PSMD1: variants seen among roughly 807,000 people sequenced by gnomAD.
The protein encoded by PSMD1 is 26S proteasome non-ATPase regulatory subunit 1.
PSMD1 carries 18 observed loss-of-function variants against 119.0 expected under a neutral mutation model. That is an observed-to-expected ratio of 0.15 (90% confidence interval 0.10 to 0.22). PSMD1 has a LOEUF of 0.22. PSMD1 is among the 10% of genes least tolerant of loss of function. The pLI, the probability that PSMD1 is intolerant of heterozygous loss-of-function variation, is 1.00. For missense variants in PSMD1, 702 were observed against 1,158.5 expected (o/e 0.61, Z 5.72); for synonymous variants, 374 against 396.6 (o/e 0.94, Z 0.68).
At chr2:231,059,292 G>T (rs1053146832) in intron 1 of PSMD1, among the ~76,000 whole-genome samples, 1 of 152,110 alleles carries the variant, frequency 6.6e-6, no homozygotes, top group African/African-American at 2.4e-5. Flanking sequence ...TTGTCACTTT[G>T]TTTTCTGTCC....
chr2:231,153,406 C>T (rs963189160), intron 18 of PSMD1, 158 bp from the exon 19 acceptor site: 29 of 588,230 alleles, frequency 4.9e-5, no homozygotes, highest in South Asian at 3.2e-4. Context: ...ATTGCAACCA[C>T]GGAACTGCTC....
At position 231,080,187 on chromosome 2, in the gene PSMD1, A is replaced by G; in HGVS notation, c.1286A>G (p.Lys429Arg). The change falls in exon 12 of 25, where the codon AAG becomes AGG. Residue 429 changes from lysine (K) to arginine (R), a missense_variant. Lys to Arg is a conservative substitution (Grantham distance 26). Around this residue, in one of 9 missense-constraint regions of PSMD1, gnomAD observed 272 missense variants for 511.6 expected, o/e 0.53. Coordinates refer to ENST00000308696, the MANE Select transcript of PSMD1 (RefSeq NM_002807.4). ...CAGTTAATGGCAACATACCTTCCCA[A>G]GGATACTTCTCCAGGATCAGCCTAT... Reference protein sequence around the residue: ...ALQLMATYLPKDTSPGSAYQE... With the variant: ...ALQLMATYLPRDTSPGSAYQE... 2 of 1,613,894 alleles carry G rather than the reference A, an allele frequency of 1.2e-6. No homozygotes were observed. The highest frequency in any genetic ancestry group is 1.7e-6 in the Non-Finnish European group (2 of 1,179,858).
At chr2:231,081,591 A>G (rs934279764) in intron 12 of PSMD1, among the ~76,000 whole-genome samples, 2 of 152,180 alleles carry the variant, frequency 1.3e-5, no homozygotes, top group Non-Finnish European at 1.5e-5. Flanking sequence ...GGAGCATTGT[A>G]TTGCTCTGGC....
rs546541859 is a variant in PSMD1, at chr2:231,058,716, T to C, written c.16+1675T>C. Among the ~76,000 whole-genome samples, 4 of 152,172 alleles carry C rather than the reference T, an allele frequency of 2.6e-5. No homozygotes were observed. The East Asian group carries it at 7.7e-4, about 29-fold the overall frequency. On this transcript the variant is annotated intron_variant, in intron 1 of 24. Transcript: ENST00000308696. ...GTCTTGTAGTACTGTCTTCACTCAA[T>C]ACATCCTAATCACACTGGACTTTTT...
chr2:231,100,040 G>C (rs187987540), intron 16 of PSMD1, among the ~76,000 whole-genome samples: 1 of 151,938 alleles, frequency 6.6e-6, no homozygotes, highest in African/African-American at 2.4e-5. Flanking sequence ...GTTATTCCTC[G>C]CACTGGGTGG....
At position 231,077,168 on chromosome 2, in the gene PSMD1, A is replaced by G. The variant is rs1364620367; in HGVS notation, c.1071+6A>G. ...TGATTCTAAAAAACACAAAGGTAAG[A>G]AATTCATCAATAATAGAGGATTTTA... On this transcript the variant is annotated splice_donor_region_variant and intron_variant, in intron 9 of 24. Transcript: ENST00000308696. 6.7e-7 allele frequency: 1 copy of G among 1,489,936 alleles called. No homozygotes were observed. The allele number at this position is 1,489,936 out of a possible 1,614,324, so 92.3% of individuals were successfully genotyped here. A position where few individuals can be genotyped will look rare whatever the true frequency, so the allele number is the denominator to read the frequency against.
At chr2:231,172,450 A>G (rs1364151755) in intron 24 of PSMD1, 85 bp from the exon 25 acceptor site, 1 of 152,232 alleles carries the variant, frequency 6.6e-6, no homozygotes, top group African/African-American at 2.4e-5. Context: ...TTAGATTTCA[A>G]CAGTTAATAG....
intron 1 of PSMD1, among the ~76,000 whole-genome samples, chr2:231,057,918 CTG>C (rs1693650219): frequency 2.0e-5 from 3 of 152,330 alleles, no homozygotes; most frequent in African/African-American, 7.2e-5. Context: ...TTTTCTTACT[CTG>C]TGTTTGACCC....
intron 6 of PSMD1, among the ~76,000 whole-genome samples, chr2:231,071,568 TTTTG>T (rs1246955078): frequency 1.2e-4 from 19 of 152,166 alleles, no homozygotes; most frequent in African/African-American, 4.6e-4. Flanking sequence ...TGACCACTTA[TTTTG>T]TTTGTGTTAT....
chr2:231,136,720 C>T (rs1011914092), intron 16 of PSMD1, among the ~76,000 whole-genome samples: 3 of 151,902 alleles, frequency 2.0e-5, no homozygotes, highest in African/African-American at 7.3e-5. Context: ...AGGTGAATTC[C>T]CATCTCTAGA....
At chr2:231,118,936 A>G (rs1695438854) in intron 16 of PSMD1, among the ~76,000 whole-genome samples, 1 of 152,204 alleles carries the variant, frequency 6.6e-6, no homozygotes, top group South Asian at 2.1e-4. Context: ...TCAAATATAC[A>G]TTTATCTCAG....
At chr2:231,134,971 A>G (rs1695935748) in intron 16 of PSMD1, among the ~76,000 whole-genome samples, 1 of 152,240 alleles carries the variant, frequency 6.6e-6, no homozygotes, top group Non-Finnish European at 1.5e-5. Context: ...TTATTAAGTA[A>G]TAAAAATTAT....
intron 16 of PSMD1, among the ~76,000 whole-genome samples, chr2:231,112,487 A>G (rs1278091398): frequency 2.0e-5 from 3 of 152,276 alleles, no homozygotes; most frequent in Middle Eastern, 6.8e-3. Flanking sequence ...AAGCCCTTAT[A>G]TCATCATTTC....
chr2:231,088,600 C>T (rs138395668), intron 16 of PSMD1, among the ~76,000 whole-genome samples: 33 of 152,260 alleles, frequency 2.2e-4, no homozygotes, highest in Non-Finnish European at 4.4e-4. Flanking sequence ...TGGGACACCA[C>T]GAACCACACC....
chr2:231,071,293 T>C (rs919664672), intron 6 of PSMD1, among the ~76,000 whole-genome samples: 1 of 152,080 alleles, frequency 6.6e-6, no homozygotes, highest in Admixed American at 6.5e-5. Context: ...TTAAAAACTT[T>C]ATTGCTCATT....
chr2:231,087,199 C>G lies in PSMD1; in HGVS notation c.1883+18C>G. 6.2e-7 allele frequency: 1 copy of G among 1,603,632 alleles called. No individual in the cohort carries two copies. Among genetic ancestry groups the G allele is most frequent in the South Asian group, 1.1e-5 (1 of 90,612 alleles). ...CTATTCAGGTAATAACTTCAAACTT[C>G]TTATTCTATTTATATTTCATTTTTT... On this transcript the variant is annotated intron_variant, in intron 16 of 24. Coordinates refer to ENST00000308696, the MANE Select transcript of PSMD1 (RefSeq NM_002807.4).
rs1165864613 is a variant in PSMD1, at chr2:231,165,867, A to G, written c.2569-4A>G. ...TTGAACTTTTTTTAAATTTTATTTTATAGGATGAGGCAGAGAAAAAGGAGG... is the reference window on the plus strand; with the variant it reads ...TTGAACTTTTTTTAAATTTTATTTTGTAGGATGAGGCAGAGAAAAAGGAGG... On this transcript the variant is annotated splice_polypyrimidine_tract_variant and splice_region_variant and intron_variant, in intron 22 of 24. Coordinates refer to ENST00000308696, the MANE Select transcript of PSMD1 (RefSeq NM_002807.4). 2 of 1,592,002 alleles carry G rather than the reference A, an allele frequency of 1.3e-6. No individual in the cohort carries two copies. The highest frequency in any genetic ancestry group is 1.4e-5 in the African/African-American group (1 of 73,482).
At chr2:231,113,028 G>A (rs1240798868) in intron 16 of PSMD1, among the ~76,000 whole-genome samples, 1 of 152,074 alleles carries the variant, frequency 6.6e-6, no homozygotes, top group Non-Finnish European at 1.5e-5. Context: ...AGCCAGGCAT[G>A]GGGGGTGTGT....
At chr2:231,165,424 A>T in intron 22 of PSMD1, 138 bp downstream of exon 22, 1 of 1,127,996 alleles carries the variant, frequency 8.9e-7, no homozygotes, top group Non-Finnish European at 1.2e-6. Context: ...ATGTAGAATC[A>T]TCAAACTGTA....
Sources: gnomAD v4.1 joint callset for allele counts (sites outside exome capture counted in the v4.1 genomes callset) on GRCh38, gnomAD v4.1.1 for gene constraint, gnomAD v4.1.1 regional missense constraint, MANE v1.5 for transcripts, NCBI Gene and HGNC (gene_info 2026-07-23, HGNC 2026-07-21) for gene names.